The following PDE1C variants were observed in gnomAD, a reference collection of about 807,000 sequenced individuals.
PDE1C encodes the protein dual specificity calcium/calmodulin-dependent 3',5'-cyclic nucleotide phosphodiesterase 1C.
In PDE1C, 62 loss-of-function variants were observed where a neutral mutation model predicts 93.1. The ratio of observed to expected loss-of-function variants is 0.67; its 90% CI spans 0.54 to 0.82. The LOEUF (loss-of-function observed/expected upper bound fraction) is 0.82, where lower values mean the gene tolerates loss of function less well. PDE1C is among the 40% of genes least tolerant of loss of function. PDE1C has a pLI of 0.00. For missense variants in PDE1C, 742 were observed against 884.6 expected (o/e 0.84, Z 2.04); for synonymous variants, 325 against 310.1 (o/e 1.05, Z -0.50).
At chr7:32,288,966 A>C (rs1269143548) in intron 1 of PDE1C, among the ~76,000 whole-genome samples, 3 of 152,234 alleles carry the variant, frequency 2.0e-5, no homozygotes, top group South Asian at 4.1e-4. Flanking sequence ...AGAAAAGGGA[A>C]GGGGAAGGAG....
At chr7:32,396,522 T>TG (rs34693320) in intron 1 of PDE1C, among the ~76,000 whole-genome samples, 1,656 of 135,028 alleles carry the variant, frequency 0.012, 13 homozygotes, top group Middle Eastern at 0.032. Context: ...TATTGAAGTA[T>TG]GGGGGGGGGG....
intron 2 of PDE1C, among the ~76,000 whole-genome samples, chr7:32,001,818 G>A (rs1785500862): frequency 6.6e-6 from 1 of 152,174 alleles, no homozygotes; most frequent in African/African-American, 2.4e-5. Flanking sequence ...CCAGCACTTT[G>A]GGAGGCCAAG....
At chr7:32,162,412 C>T (rs927168292) in intron 3 of PDE1C, among the ~76,000 whole-genome samples, 1 of 152,092 alleles carries the variant, frequency 6.6e-6, no homozygotes, top group Admixed American at 6.6e-5. Context: ...AAGCAGATGT[C>T]AAGACAGGAT....
At chr7:32,422,926 A>C (rs1182483809) in intron 1 of PDE1C, among the ~76,000 whole-genome samples, 3 of 152,202 alleles carry the variant, frequency 2.0e-5, no homozygotes, top group Non-Finnish European at 4.4e-5. Context: ...TCTTTCCTCC[A>C]CAGCACTGCC....
At chr7:32,204,625 G>A (rs1046248624) in intron 2 of PDE1C, among the ~76,000 whole-genome samples, 3 of 152,200 alleles carry the variant, frequency 2.0e-5, no homozygotes, top group African/African-American at 7.2e-5. Context: ...CACTACATGT[G>A]GCCACGTCTG....
At chr7:31,691,864 T>C in the PDE1C span, among the ~76,000 whole-genome samples, 1 of 148,696 alleles carries the variant, frequency 6.7e-6, no homozygotes, top group East Asian at 2.0e-4. Context: ...TCAATTCGGG[T>C]TCAAAGGATT....
chr7:31,886,222 C>T (rs750310921), intron 2 of PDE1C, among the ~76,000 whole-genome samples: 1 of 152,232 alleles, frequency 6.6e-6, no homozygotes, highest in Non-Finnish European at 1.5e-5. Flanking sequence ...ATCTCTGTGT[C>T]CTTTTCATAC....
the PDE1C span, among the ~76,000 whole-genome samples, chr7:31,697,826 TTAAC>T: frequency 2.0e-3 from 299 of 152,334 alleles, no homozygotes; most frequent in African/African-American, 6.9e-3. Context: ...TTTTTATAAA[TTAAC>T]TGACTAATAT....
chr7:32,200,439 G>C (rs1211212384), intron 2 of PDE1C, among the ~76,000 whole-genome samples: 3 of 152,200 alleles, frequency 2.0e-5, no homozygotes, highest in Admixed American at 6.5e-5. Context: ...AGCCAGAAAA[G>C]CCAAGCAAGT....
chr7:31,654,615 TC>T, the PDE1C span, among the ~76,000 whole-genome samples: 1 of 152,172 alleles, frequency 6.6e-6, no homozygotes, highest in South Asian at 2.1e-4. Flanking sequence ...TTGCTTCTAT[TC>T]AGCCTTGGAG....
chr7:32,335,831 T>C (rs920238795), intron 1 of PDE1C, among the ~76,000 whole-genome samples: 1 of 152,062 alleles, frequency 6.6e-6, no homozygotes, highest in Admixed American at 6.6e-5. Context: ...TAGCCACAAG[T>C]GATCCTCCCA....
At chr7:32,120,613 C>T (rs1450243956) in intron 3 of PDE1C, among the ~76,000 whole-genome samples, 1 of 152,078 alleles carries the variant, frequency 6.6e-6, no homozygotes, top group East Asian at 1.9e-4. Context: ...TGAAATGAAT[C>T]CCCAGTAAAG....
chr7:32,079,940 C>T (rs1181841670), intron 3 of PDE1C, among the ~76,000 whole-genome samples: 1 of 152,078 alleles, frequency 6.6e-6, no homozygotes, highest in Non-Finnish European at 1.5e-5. Flanking sequence ...TTTAATACAC[C>T]CAAGTGGTCA....
intron 9 of PDE1C, among the ~76,000 whole-genome samples, chr7:31,839,390 A>G (rs1291495537): frequency 7.0e-6 from 1 of 142,066 alleles, no homozygotes; most frequent in African/African-American, 2.7e-5. Context: ...CTAGATATAT[A>G]CACACGTGTT....
At chr7:31,756,132 C>T (rs1794451112) in intron 17 of PDE1C, among the ~76,000 whole-genome samples, 1 of 152,022 alleles carries the variant, frequency 6.6e-6, no homozygotes, top group Non-Finnish European at 1.5e-5. Context: ...AGATGGTACA[C>T]TTGCACTCCA....
At chr7:31,887,605 G>A (rs1798109395) in intron 2 of PDE1C, among the ~76,000 whole-genome samples, 1 of 152,258 alleles carries the variant, frequency 6.6e-6, no homozygotes, top group South Asian at 2.1e-4. Flanking sequence ...AATTGACCTA[G>A]TTGGCATGGA....
intron 1 of PDE1C, among the ~76,000 whole-genome samples, chr7:32,336,211 G>A (rs1361068994): frequency 2.0e-5 from 3 of 152,142 alleles, no homozygotes; most frequent in Admixed American, 2.0e-4. Context: ...CAAAATGTGG[G>A]TGGAGTTCCA....
rs1189766443 is a variant in PDE1C, at chr7:32,034,998, A to C, written c.128+16556T>G. On this transcript the variant is annotated intron_variant, in intron 2 of 17. Transcript: ENST00000396191. ...TGGCTATTTTTATTATTACAATCAT[A>C]CTCTATTATTTAAAGGCAAAGTTTA... Among the ~76,000 whole-genome samples the C allele has an allele frequency of 2.0e-5, 3 of 152,026 alleles. No homozygotes were observed. The East Asian group carries it at 5.8e-4, about 29-fold the overall frequency.
At chr7:31,620,229 C>T in the PDE1C span, among the ~76,000 whole-genome samples, 2 of 152,114 alleles carry the variant, frequency 1.3e-5, no homozygotes, top group African/African-American at 4.8e-5. Flanking sequence ...CTTAAATGTC[C>T]CTGTCTGACA....
Sources: allele counts gnomAD v4.1 joint callset (sites outside exome capture counted in the v4.1 genomes callset), GRCh38; gene constraint gnomAD v4.1.1; transcripts MANE v1.5; gene names NCBI Gene and HGNC (gene_info 2026-07-23, HGNC 2026-07-21).